Variants in STT3A observed in about 807,000 individuals in gnomAD.
STT3A encodes the protein dolichyl-diphosphooligosaccharide--protein glycosyltransferase subunit STT3A.
STT3A carries 34 observed loss-of-function variants against 89.2 expected under a neutral mutation model. The observed-to-expected ratio is 0.38, with a 90% CI of 0.29 to 0.51. The LOEUF (loss-of-function observed/expected upper bound fraction) is 0.51, where lower values mean the gene tolerates loss of function less well. STT3A is among the 20% of genes least tolerant of loss of function. The pLI, the probability that STT3A is intolerant of heterozygous loss-of-function variation, is 0.89. For synonymous variants in STT3A, 282 were observed against 310.3 expected (o/e 0.91, Z 0.96); for missense variants, 555 against 889.5 (o/e 0.62, Z 4.78).
At chr11:125,620,356 GCT>G (rs941388481) in intron 17 of STT3A, among the ~76,000 whole-genome samples, 87 of 152,322 alleles carry the variant, frequency 5.7e-4, no homozygotes, top group Admixed American at 7.2e-4. Context: ...TACTTTTCCA[GCT>G]GGGGCTTGAC....
Position 125,614,472 on chromosome 11 carries a change from G to A in STT3A, c.1774+46G>A, listed in dbSNP as rs904237806. ...TCTAGCTGCAGGACATAGATTCTAA[G>A]AAAACTAGATGAATATCCTAGTTTT... On this transcript the variant is annotated intron_variant, in intron 15 of 17. Transcript: ENST00000392708. The surrounding 1 kb of genome is among the most constrained non-coding windows in gnomAD (Gnocchi z 4.9). 1 of 1,540,680 alleles carries A rather than the reference G, an allele frequency of 6.5e-7. No individual in the cohort carries two copies. Among genetic ancestry groups the A allele is most frequent in the Non-Finnish European group, 8.9e-7 (1 of 1,121,294 alleles).
intron 11 of STT3A, among the ~76,000 whole-genome samples, chr11:125,611,959 C>T (rs781492620): frequency 7.4e-6 from 1 of 135,720 alleles, no homozygotes; most frequent in Middle Eastern, 4.2e-3. Flanking sequence ...CTCACCACAA[C>T]TGCCGCCTGC....
At chr11:125,616,758 G>A (rs1452099482) in intron 15 of STT3A, among the ~76,000 whole-genome samples, 1 of 152,122 alleles carries the variant, frequency 6.6e-6, no homozygotes, top group East Asian at 1.9e-4. Flanking sequence ...GCTCACTGCA[G>A]CCTCTGCTTC....
chr11:125,611,419 C>A lies in STT3A; in HGVS notation c.1118-9C>A, dbSNP rs1338454143. The stretch of plus-strand genomic sequence containing the variant: ...CTCAGCTGCTTATTTCTCCTTCCCT[C>A]TTTTGTAGTTGGCCTCTATTACTGC... On this transcript the variant is annotated splice_polypyrimidine_tract_variant and intron_variant, in intron 10 of 17. Coordinates refer to ENST00000392708, the MANE Select transcript of STT3A (RefSeq NM_152713.5). The A allele has an allele frequency of 6.2e-7, 1 of 1,612,532 alleles. No individual in the cohort carries two copies. Among genetic ancestry groups the A allele is most frequent in the Admixed American group, 1.7e-5 (1 of 59,982 alleles).
chr11:125,602,927 C>A lies in STT3A; in HGVS notation c.396C>A (p.Tyr132Ter), dbSNP rs1193366819. 1 of 1,614,100 alleles carries A rather than the reference C, an allele frequency of 6.2e-7. No homozygotes were observed. The highest frequency in any genetic ancestry group is 8.5e-7 in the Non-Finnish European group (1 of 1,180,020). The change falls in exon 5 of 18, where the codon TAC becomes TAA. Residue 132 changes from tyrosine to a stop codon, truncating the protein, a stop_gained. Transcript: ENST00000392708. LOFTEE classifies it high-confidence loss of function. The stretch of plus-strand genomic sequence containing the variant: ...CCTCCTTCACCACCATCGTCACGTA[C>A]CACCTTACCAAAGAGCTCAAGGTGA... The part of the protein sequence containing the change: ...LFSSFTTIVT[Y>*]HLTKELKDAG...
rs960897740 is a variant in STT3A, at chr11:125,592,869, T to C, written c.-85T>C. 3 of 179,014 alleles carry C rather than the reference T, an allele frequency of 1.7e-5. No homozygotes were observed. The East Asian group carries it at 5.0e-4, about 30-fold the overall frequency. 11.1% of individuals were successfully genotyped at this position (179,014 alleles called of 1,614,324 possible). A position where few individuals can be genotyped will look rare whatever the true frequency, so the allele number is the denominator to read the frequency against. ...CTCCTGCCAGGGTTGGGTGCGCCGCTGAACGGATGGCTGAGGGAGCCCCGC... is the reference window on the plus strand; with the variant it reads ...CTCCTGCCAGGGTTGGGTGCGCCGCCGAACGGATGGCTGAGGGAGCCCCGC... On this transcript the variant is annotated 5_prime_UTR_variant, in exon 1 of 18. Coordinates refer to ENST00000392708, the MANE Select transcript of STT3A (RefSeq NM_152713.5).
At chr11:125,592,205 C>T (rs1565338216), upstream of STT3A, among the ~76,000 whole-genome samples, 1 of 152,150 alleles carries the variant, frequency 6.6e-6, no homozygotes, top group Non-Finnish European at 1.5e-5. Context: ...CCTAGGCACG[C>T]TCTTTCACAA....
At chr11:125,612,122 C>T (rs1341696140) in intron 11 of STT3A, among the ~76,000 whole-genome samples, 6 of 151,904 alleles carry the variant, frequency 3.9e-5, no homozygotes, top group Admixed American at 2.0e-4. Context: ...GTGATCCACC[C>T]GCCTTGGCCT....
At position 125,610,125 on chromosome 11, in the gene STT3A, C is replaced by T. The variant is rs1161485565; in HGVS notation, c.1117+536C>T. Among the ~76,000 whole-genome samples the T allele has an allele frequency of 2.2e-5, 3 of 136,168 alleles. No homozygotes were observed. The East Asian group carries it at 6.8e-4, about 31-fold the overall frequency. 89.3% of individuals were successfully genotyped at this position (136,168 alleles called of 152,430 possible). ...TTGCCTAGGCTTCAGGGCAGTGGTA[C>T]AATCTCAGCTTACTGCGGCCTCTGC... On this transcript the variant is annotated intron_variant, in intron 10 of 17. Coordinates refer to ENST00000392708, the MANE Select transcript of STT3A (RefSeq NM_152713.5).
intron 3 of STT3A, among the ~76,000 whole-genome samples, chr11:125,597,621 A>G (rs1939534981): frequency 6.6e-6 from 1 of 152,112 alleles, no homozygotes; most frequent in Admixed American, 6.6e-5. Context: ...CTCAGAAGAG[A>G]ATCACAAACA....
intron 1 of STT3A, chr11:125,595,050 G>A (rs1939447821): frequency 6.6e-6 from 1 of 151,784 alleles, no homozygotes; most frequent in South Asian, 2.1e-4. Flanking sequence ...GCCCCATTGG[G>A]ATTTGGAAAA....
chr11:125,607,640 C>A (rs1352254714), intron 8 of STT3A, among the ~76,000 whole-genome samples: 3 of 152,224 alleles, frequency 2.0e-5, no homozygotes, highest in Non-Finnish European at 4.4e-5. Flanking sequence ...TGCTTCGACA[C>A]TCCTACCTCC....
intron 16 of STT3A, 98 bp downstream of exon 16, chr11:125,618,659 C>G: frequency 8.3e-7 from 1 of 1,207,396 alleles, no homozygotes; most frequent in Admixed American, 2.5e-5. Context: ...TGCTTTGTGT[C>G]TGTTAACTCA....
intron 8 of STT3A, among the ~76,000 whole-genome samples, chr11:125,606,903 A>G (rs982581307): frequency 6.6e-6 from 1 of 152,226 alleles, no homozygotes; most frequent in Non-Finnish European, 1.5e-5. Context: ...CTGTTAAATC[A>G]AAGAATAATG....
chr11:125,614,250 T>A lies in STT3A; in HGVS notation c.1671+47T>A, dbSNP rs563383620. 2 of 1,612,454 alleles carry A rather than the reference T, an allele frequency of 1.2e-6. No homozygotes were observed. The highest frequency in any genetic ancestry group is 2.7e-5 in the African/African-American group (2 of 74,980). On this transcript the variant is annotated intron_variant, in intron 14 of 17. Transcript: ENST00000392708. This position sits in a 1 kb window ranked among gnomAD's most constrained non-coding sequence, Gnocchi z 4.9. ...TGAGTGTTTGGTGTACAAGGTCTAA[T>A]GGGAAATGTGTCTGCATGAGGGGAT...
At chr11:125,608,088 T>A in intron 8 of STT3A, 21 bp from the exon 9 acceptor site, 1 of 1,584,448 alleles carries the variant, frequency 6.3e-7, no homozygotes, top group Non-Finnish European at 8.6e-7. Flanking sequence ...AGTATTAACA[T>A]ACATATCCTT....
intron 8 of STT3A, 49 bp downstream of exon 8, chr11:125,606,514 G>T (rs1939844434): frequency 2.6e-6 from 4 of 1,554,618 alleles, no homozygotes; most frequent in Non-Finnish European, 3.5e-6. Context: ...TTTCTATGCA[G>T]CCCCAACTAG....
At chr11:125,601,492 G>A (rs1190641775) in intron 3 of STT3A, among the ~76,000 whole-genome samples, 1 of 152,046 alleles carries the variant, frequency 6.6e-6, no homozygotes, top group Non-Finnish European at 1.5e-5. Flanking sequence ...ATTGTGGCGA[G>A]CGCCTGTAAT....
chr11:125,611,293 T>G (rs989731430), intron 10 of STT3A, 135 bp from the exon 11 acceptor site: 59 of 688,460 alleles, frequency 8.6e-5, no homozygotes, highest in Non-Finnish European at 1.4e-4. Flanking sequence ...TGATTGTTTT[T>G]TTAGGATAAA....
Sources: gnomAD v4.1 joint callset for allele counts (sites outside exome capture counted in the v4.1 genomes callset) on GRCh38, gnomAD v4.1.1 for gene constraint, Gnocchi (gnomAD v3.1) non-coding constraint, MANE v1.5 for transcripts, NCBI Gene and HGNC (gene_info 2026-07-23, HGNC 2026-07-21) for gene names.